PDE11A: variants seen among roughly 807,000 people sequenced by gnomAD.
PDE11A encodes dual 3',5'-cyclic-AMP and -GMP phosphodiesterase 11A.
In PDE11A, 100 loss-of-function variants were observed where a neutral mutation model predicts 100.5. The ratio of observed to expected loss-of-function variants is 1.00; its 90% CI spans 0.85 to 1.18. The LOEUF (loss-of-function observed/expected upper bound fraction) is 1.18, where lower values mean the gene tolerates loss of function less well. Ranked by LOEUF, PDE11A falls within the 50% of genes most tolerant of loss-of-function variation. PDE11A has a pLI of 0.00. For missense variants in PDE11A, 1,141 were observed against 1,152.6 expected (o/e 0.99, Z 0.15); for synonymous variants, 381 against 420.8 (o/e 0.91, Z 1.16).
chr2:177,922,836 T>C, intron 2 of PDE11A: 1 of 984,470 alleles, frequency 1.0e-6, no homozygotes, highest in African/African-American at 1.7e-5. Context: ...CTACATTTCT[T>C]GTATTCCAGT....
intron 8 of PDE11A, 68 bp from the exon 9 acceptor site, chr2:177,816,989 G>C (rs1438059): frequency 0.48 from 426,136 of 887,400 alleles, 109,309 homozygotes; most frequent in Admixed American, 0.67. Context: ...TATGAAAGCA[G>C]GCAGCCACCA....
At position 177,952,096 on chromosome 2, in the gene PDE11A, A is replaced by G. The variant is rs574084314; in HGVS notation, c.1072-46909T>C. On this transcript the variant is annotated intron_variant, in intron 2 of 19. Transcript: ENST00000286063. Reference sequence around the variant, plus strand: ...TCTCACTACCTAAACTTCCTCATTTATAGTTTGTTCCCACCATATTAAATG... The same window carrying G: ...TCTCACTACCTAAACTTCCTCATTTGTAGTTTGTTCCCACCATATTAAATG... Among the ~76,000 whole-genome samples, 4 of 152,256 alleles carry G rather than the reference A, an allele frequency of 2.6e-5. No individual in the cohort carries two copies. The South Asian group carries it at 8.3e-4, about 32-fold the overall frequency.
chr2:178,069,288 T>C (rs1450222379), intron 1 of PDE11A, among the ~76,000 whole-genome samples: 4 of 152,086 alleles, frequency 2.6e-5, no homozygotes, highest in Admixed American at 2.6e-4. Context: ...GATTAAGAAA[T>C]TCTCCAAGGT....
chr2:177,819,432 A>C (rs1290649375), intron 7 of PDE11A, among the ~76,000 whole-genome samples: 1 of 152,030 alleles, frequency 6.6e-6, no homozygotes, highest in Non-Finnish European at 1.5e-5. Context: ...AAAAAAAGTC[A>C]CATTTTTATT....
At chr2:177,685,463 C>T (rs1406072700) in intron 15 of PDE11A, among the ~76,000 whole-genome samples, 1 of 152,222 alleles carries the variant, frequency 6.6e-6, no homozygotes. Context: ...AGTATGTTCA[C>T]TATAGGGAAC....
intron 1 of PDE11A, among the ~76,000 whole-genome samples, chr2:178,047,822 C>T (rs2105854142): frequency 6.6e-6 from 1 of 152,170 alleles, no homozygotes; most frequent in South Asian, 2.1e-4. Flanking sequence ...TCCTAACCCC[C>T]CCATGTTATA....
intron 2 of PDE11A, among the ~76,000 whole-genome samples, chr2:178,099,415 G>A (rs2087534326): frequency 6.8e-6 from 1 of 146,930 alleles, no homozygotes; most frequent in African/African-American, 2.5e-5. Context: ...TCCAGCCTGG[G>A]TGACAGAGTG....
chr2:177,884,441 T>C (rs2105708876), intron 4 of PDE11A, among the ~76,000 whole-genome samples: 1 of 152,360 alleles, frequency 6.6e-6, no homozygotes, highest in Non-Finnish European at 1.5e-5. Context: ...ATCTTCATTG[T>C]CTGGTGCATT....
chr2:177,817,835 G>C (rs764505575), intron 8 of PDE11A, 23 bp downstream of exon 8: 1 of 1,139,014 alleles, frequency 8.8e-7, no homozygotes, highest in South Asian at 1.2e-5. Flanking sequence ...GACTCCACTT[G>C]GTTTATAAAT....
At chr2:177,828,185 A>T (rs2083256957) in intron 6 of PDE11A, among the ~76,000 whole-genome samples, 1 of 152,158 alleles carries the variant, frequency 6.6e-6, no homozygotes, top group Non-Finnish European at 1.5e-5. Context: ...AAAAGCTCTA[A>T]CCTTTCCATC....
chr2:177,654,730 T>C (rs2080356959), intron 19 of PDE11A, among the ~76,000 whole-genome samples: 1 of 152,214 alleles, frequency 6.6e-6, no homozygotes, highest in Admixed American at 6.5e-5. Context: ...TTAGGTATTC[T>C]CTAAGGTGAT....
chr2:177,936,782 T>C (rs2085279520), intron 2 of PDE11A, among the ~76,000 whole-genome samples: 1 of 151,938 alleles, frequency 6.6e-6, no homozygotes, highest in Admixed American at 6.6e-5. Flanking sequence ...TTAGCTGGGT[T>C]TGGTTGCCAG....
At chr2:177,947,107 T>G (rs1330796756) in intron 2 of PDE11A, among the ~76,000 whole-genome samples, 1 of 11,484 alleles carries the variant, frequency 8.7e-5, no homozygotes, top group African/African-American at 1.5e-4. Flanking sequence ...GGAGCCCCTC[T>G]GCCCGGCCAG....
intron 9 of PDE11A, among the ~76,000 whole-genome samples, chr2:177,789,352 A>T (rs541179296): frequency 1.3e-5 from 2 of 152,260 alleles, no homozygotes; most frequent in South Asian, 4.2e-4. Flanking sequence ...TTCATGCTAA[A>T]AACTCTCAAT....
intron 19 of PDE11A, among the ~76,000 whole-genome samples, chr2:177,642,014 G>A (rs142295851): frequency 8.9e-4 from 136 of 152,292 alleles, no homozygotes; most frequent in South Asian, 1.7e-3. Context: ...ACAGAGCCAG[G>A]GTTTGGTCCC....
chr2:178,040,474 A>G (rs1459539208), intron 1 of PDE11A, among the ~76,000 whole-genome samples: 1 of 152,200 alleles, frequency 6.6e-6, no homozygotes, highest in Non-Finnish European at 1.5e-5. Flanking sequence ...AATTTTTTAA[A>G]GGCAATGGAC....
chr2:177,656,605 A>C (rs914519484), intron 19 of PDE11A, among the ~76,000 whole-genome samples: 3 of 152,236 alleles, frequency 2.0e-5, no homozygotes, highest in African/African-American at 7.2e-5. Context: ...TTCAACAAAC[A>C]TTGGCTGAGC....
At chr2:177,787,635 A>G (rs942899052) in intron 9 of PDE11A, among the ~76,000 whole-genome samples, 1 of 150,376 alleles carries the variant, frequency 6.6e-6, no homozygotes, top group African/African-American at 2.4e-5. Flanking sequence ...TGCTGTATTC[A>G]GGAAACCCAT....
At chr2:177,878,602 T>C (rs547220492) in intron 4 of PDE11A, among the ~76,000 whole-genome samples, 2 of 152,318 alleles carry the variant, frequency 1.3e-5, no homozygotes, top group East Asian at 1.9e-4. Flanking sequence ...CATGTATCAA[T>C]GCTTACAACA....
Sources: gnomAD v4.1 joint callset for allele counts (sites outside exome capture counted in the v4.1 genomes callset) on GRCh38, gnomAD v4.1.1 for gene constraint, MANE v1.5 for transcripts, NCBI Gene and HGNC (gene_info 2026-07-23, HGNC 2026-07-21) for gene names.